The following PSME4 variants were observed in gnomAD, a reference collection of about 807,000 sequenced individuals.
The protein encoded by PSME4 is proteasome activator complex subunit 4.
A neutral mutation model predicts 253.9 loss-of-function variants in PSME4; 89 were observed. The observed-to-expected ratio is 0.35, with a 90% CI of 0.30 to 0.42. The LOEUF (loss-of-function observed/expected upper bound fraction) is 0.42. Ranked by LOEUF, PSME4 falls within the 10% of genes least tolerant of loss-of-function variation. PSME4 has a pLI of 1.00. For missense variants in PSME4, 2,014 were observed against 2,195.2 expected (o/e 0.92, Z 1.65); for synonymous variants, 851 against 759.2 (o/e 1.12, Z -1.99).
chr2:53,889,525 G>C (rs759535833), intron 37 of PSME4, among the ~76,000 whole-genome samples: 1 of 151,978 alleles, frequency 6.6e-6, no homozygotes, highest in Non-Finnish European at 1.5e-5. Context: ...TGAAACCACA[G>C]ATGTGGAACT....
chr2:53,965,332 T>G (rs1378861304), intron 1 of PSME4, among the ~76,000 whole-genome samples: 1 of 150,952 alleles, frequency 6.6e-6, no homozygotes, highest in East Asian at 2.0e-4. Flanking sequence ...CACTGTAGCC[T>G]CTGCCTCCCA....
At chr2:53,916,028 T>C (rs555078045) in intron 20 of PSME4, among the ~76,000 whole-genome samples, 2 of 152,182 alleles carry the variant, frequency 1.3e-5, no homozygotes, top group African/African-American at 4.8e-5. Flanking sequence ...TGAGCCAAGA[T>C]AGTGCCATTG....
chr2:53,946,054 T>C (rs1056310865), intron 3 of PSME4, among the ~76,000 whole-genome samples: 1 of 152,168 alleles, frequency 6.6e-6, no homozygotes, highest in Admixed American at 6.6e-5. Context: ...GGAAGAGACA[T>C]GGTAAACATA....
chr2:53,892,758 G>C (rs1397254997), intron 36 of PSME4, 50 bp downstream of exon 36: 1 of 1,545,362 alleles, frequency 6.5e-7, no homozygotes, highest in Admixed American at 2.0e-5. Flanking sequence ...CACCAAAATG[G>C]GTAACATAGC....
intron 41 of PSME4, among the ~76,000 whole-genome samples, chr2:53,882,032 T>C (rs1679412260): frequency 6.6e-6 from 1 of 151,554 alleles, no homozygotes; most frequent in Non-Finnish European, 1.5e-5. Context: ...TATATATAAA[T>C]ATAATTTTAA....
At chr2:53,955,545 T>C (rs1445482983) in intron 1 of PSME4, among the ~76,000 whole-genome samples, 1 of 152,104 alleles carries the variant, frequency 6.6e-6, no homozygotes, top group African/African-American at 2.4e-5. Flanking sequence ...TAGTAGAATA[T>C]GGAACGGAAT....
chr2:53,956,901 G>A (rs1226600130), intron 1 of PSME4, among the ~76,000 whole-genome samples: 3 of 152,126 alleles, frequency 2.0e-5, no homozygotes, highest in Non-Finnish European at 4.4e-5. Flanking sequence ...AACGTCTTAA[G>A]AGTCAACTTG....
Position 53,920,983 on chromosome 2 carries a change from T to C in PSME4, c.2168A>G (p.His723Arg). ...GATAAGTGTGGTAGAACGGAGAAGA[T>C]GATGCAAAAGGTTACAAGACAGAGT... Reference protein sequence around the residue: ...GYTLSCNLLHHLLRSTTLIYP... With the variant: ...GYTLSCNLLHRLLRSTTLIYP... The change falls in exon 18 of 47, where the codon CAT becomes CGT. Residue 723 changes from histidine (H) to arginine (R), a missense_variant. By Grantham distance (29) the His-to-Arg change is conservative. This residue lies in a region of PSME4 where 989 missense variants were observed against 1,021.1 expected (regional missense o/e 0.97). Coordinates refer to ENST00000404125, the MANE Select transcript of PSME4 (RefSeq NM_014614.3). 1 of 1,614,100 alleles carries C rather than the reference T, an allele frequency of 6.2e-7. No individual in the cohort carries two copies. Among genetic ancestry groups the C allele is most frequent in the Non-Finnish European group, 8.5e-7 (1 of 1,179,970 alleles).
chr2:53,932,164 G>C (rs1248708283), intron 9 of PSME4, 64 bp from the exon 10 acceptor site: 1 of 1,432,654 alleles, frequency 7.0e-7, no homozygotes, highest in African/African-American at 1.4e-5. Context: ...ATTCATGGTT[G>C]CTCTCTAGCT....
At chr2:53,922,657 T>C (rs937647344) in intron 16 of PSME4, 73 bp from the exon 17 acceptor site, 2 of 1,501,760 alleles carry the variant, frequency 1.3e-6, no homozygotes, top group African/African-American at 1.4e-5. Flanking sequence ...AAAATACTTC[T>C]ATTTAATATT....
chr2:53,908,203 A>C, intron 24 of PSME4, 117 bp downstream of exon 24: 1 of 725,982 alleles, frequency 1.4e-6, no homozygotes. Context: ...CATACTTTTA[A>C]ATCTACTATT....
intron 20 of PSME4, among the ~76,000 whole-genome samples, chr2:53,914,197 G>C (rs1207169638): frequency 6.6e-6 from 1 of 152,136 alleles, no homozygotes; most frequent in Non-Finnish European, 1.5e-5. Context: ...TTAGATGTTA[G>C]TTTTTTGCAT....
intron 6 of PSME4, 52 bp downstream of exon 6, chr2:53,936,712 A>T: frequency 7.4e-7 from 1 of 1,351,408 alleles, no homozygotes; most frequent in Non-Finnish European, 1.0e-6. Context: ...ATGGGGGGGA[A>T]AAAAGAAAAA....
chr2:53,934,473 A>C, intron 8 of PSME4, 132 bp downstream of exon 8: 1 of 900,472 alleles, frequency 1.1e-6, no homozygotes, highest in East Asian at 2.5e-5. Flanking sequence ...GAGCTTGCTA[A>C]ATCAGAAAAT....
chr2:53,895,737 C>A lies in PSME4; in HGVS notation c.3689-1G>T. 6.3e-7 allele frequency: 1 copy of A among 1,577,054 alleles called. No individual in the cohort carries two copies. The highest frequency in any genetic ancestry group is 8.6e-7 in the Non-Finnish European group (1 of 1,167,340). On this transcript the variant is annotated splice_acceptor_variant, in intron 32 of 46. Coordinates refer to ENST00000404125, the MANE Select transcript of PSME4 (RefSeq NM_014614.3). LOFTEE classifies it high-confidence loss of function. ...ATTTGGGTGGGTTTAGGGCATCCAC[C>A]TAAGGAAAAGACAATCACATTTGAT... is the stretch of plus-strand genomic sequence containing the variant.
chr2:53,966,381 G>T (rs564807433), intron 1 of PSME4, among the ~76,000 whole-genome samples: 3 of 152,258 alleles, frequency 2.0e-5, no homozygotes, highest in Admixed American at 2.0e-4. Flanking sequence ...ATAATGTTAG[G>T]CAGGCCACGG....
rs1678757471 is a variant in PSME4 at position 53,869,397 on chromosome 2, C to T, written c.5242G>A (p.Gly1748Arg). 2 of 1,610,090 alleles carry T rather than the reference C, an allele frequency of 1.2e-6. No homozygotes were observed. The highest frequency in any genetic ancestry group is 1.7e-4 in the Middle Eastern group (1 of 6,044). Residue 1748 changes from glycine to arginine, a missense_variant, in exon 44 of 47, where the codon GGA becomes AGA. Gly to Arg is a moderately radical substitution (Grantham distance 125). This residue lies in a region of PSME4 where 403 missense variants were observed against 556.1 expected (regional missense o/e 0.72). Transcript: ENST00000404125. ...KKRKRDPGSV[G>R]DTIPSAELVK... ...TTACCTGCAGAAGGAATGGTATCTCCTACAGAACCAGGGTCTCGCTTTCTT... is the reference window on the plus strand; with the variant it reads ...TTACCTGCAGAAGGAATGGTATCTCTTACAGAACCAGGGTCTCGCTTTCTT...
In PSME4 at chr2:53,970,543, G is replaced by A. The variant is rs1443802340; in HGVS notation, c.242C>T (p.Thr81Ile). The change falls in exon 1 of 47, where the codon ACA becomes ATA. Residue 81 changes from threonine to isoleucine, a missense_variant and splice_region_variant. This residue lies in a region of PSME4 where 615 missense variants were observed against 594.4 expected (regional missense o/e 1.03). Transcript: ENST00000404125. Reference protein sequence around the residue: ...GGLFWTRKLSTYIRLYGRKFS... With the variant: ...GGLFWTRKLSIYIRLYGRKFS... ...GGCCCGCAGGCCCGGGCACACTTAC[G>A]TGGAGAGTTTCCTGGTCCAGAAGAG... is the stretch of plus-strand genomic sequence containing the variant. 8 of 1,547,502 alleles carry A rather than the reference G, an allele frequency of 5.2e-6. No homozygotes were observed. Among genetic ancestry groups the A allele is most frequent in the Non-Finnish European group, 7.0e-6 (8 of 1,146,682 alleles).
chr2:53,934,334 G>A (rs193243918), intron 8 of PSME4, among the ~76,000 whole-genome samples: 54 of 152,272 alleles, frequency 3.5e-4, no homozygotes, highest in African/African-American at 1.3e-3. Flanking sequence ...TACAAGTCTG[G>A]TTCCCGGACA....
Sources: gnomAD v4.1 joint callset for allele counts (sites outside exome capture counted in the v4.1 genomes callset) on GRCh38, gnomAD v4.1.1 for gene constraint, gnomAD v4.1.1 regional missense constraint, MANE v1.5 for transcripts, NCBI Gene and HGNC (gene_info 2026-07-23, HGNC 2026-07-21) for gene names.